TFDP2: variants seen among roughly 807,000 people sequenced by gnomAD.
The protein encoded by TFDP2 is transcription factor Dp-2 (E2F dimerization partner 2).
In TFDP2, 17 loss-of-function variants were observed where a neutral mutation model predicts 59.3. The ratio of observed to expected loss-of-function variants is 0.29; its 90% CI spans 0.20 to 0.43. The LOEUF (loss-of-function observed/expected upper bound fraction) is 0.43, where lower values mean the gene tolerates loss of function less well. Ranked by LOEUF, TFDP2 falls within the 20% of genes least tolerant of loss-of-function variation. The probability of loss-of-function intolerance (pLI) is 1.00; values close to 1 mark genes in which losing one functional copy is unlikely to be tolerated. For missense variants in TFDP2, 391 were observed against 528.8 expected, an observed-to-expected ratio of 0.74 and a Z score of 2.56; for synonymous variants, 180 against 194.7, an observed-to-expected ratio of 0.92 and a Z score of 0.63.
chr3:141,995,111 A>C lies in TFDP2; in HGVS notation c.217T>G (p.Ser73Ala). ...GGACTCCCAATCAGAACACTTCCTG[A>C]ACTGGTTAGTCTCTGTGGTGTGCTT... is the stretch of plus-strand genomic sequence containing the variant. ...IISTPQRLTS[S>A]GSVLIGSPYT... Residue 73 changes from serine (S) to alanine (A), a missense_variant, in exon 5 of 13, where the codon TCA becomes GCA. Ser to Ala is a moderately conservative substitution (Grantham distance 99). Coordinates refer to ENST00000489671, the MANE Select transcript of TFDP2 (RefSeq NM_001178139.2). 1.9e-6 allele frequency: 3 copies of C among 1,609,636 alleles called. No homozygotes were observed. Among genetic ancestry groups the C allele is most frequent in the East Asian group, 4.5e-5 (2 of 44,720 alleles).
chr3:142,147,207 G>C (rs937705463), intron 1 of TFDP2, among the ~76,000 whole-genome samples: 4 of 151,818 alleles, frequency 2.6e-5, no homozygotes, highest in Non-Finnish European at 4.4e-5. Context: ...TATTCATGCC[G>C]CACACCTAGA....
intron 1 of TFDP2, among the ~76,000 whole-genome samples, chr3:142,113,335 T>C (rs2061727627): frequency 6.6e-6 from 1 of 152,140 alleles, no homozygotes; most frequent in African/African-American, 2.4e-5. Context: ...CTTGGCTCAC[T>C]GCAACCTCCG....
At chr3:141,983,181 A>G (rs1000419605) in intron 6 of TFDP2, among the ~76,000 whole-genome samples, 2 of 152,250 alleles carry the variant, frequency 1.3e-5, no homozygotes, top group Non-Finnish European at 2.9e-5. Context: ...AAAGGAGGTT[A>G]AAAGAGTCAA....
chr3:141,978,745 C>A, intron 6 of TFDP2, 63 bp from the exon 7 acceptor site: 1 of 1,235,054 alleles, frequency 8.1e-7, no homozygotes, highest in South Asian at 2.0e-5. Flanking sequence ...TTACAAATCT[C>A]TGTAAGATAA....
chr3:142,030,971 T>C (rs909373479), intron 3 of TFDP2, among the ~76,000 whole-genome samples: 2 of 151,762 alleles, frequency 1.3e-5, no homozygotes, highest in Admixed American at 1.3e-4. Flanking sequence ...CTCGATCTCC[T>C]GACCTCGTGA....
At position 141,954,148 on chromosome 3, in the gene TFDP2, G is replaced by A. The variant is rs990088299; in HGVS notation, c.1052-1132C>T. Reference sequence around the variant, plus strand: ...GCACTCCAGCCTGGGCAACAAGAGCGAAACTCCATCTCAAAAAATAAAAGA... The same window carrying A: ...GCACTCCAGCCTGGGCAACAAGAGCAAAACTCCATCTCAAAAAATAAAAGA... On this transcript the variant is annotated intron_variant, in intron 11 of 12. Coordinates refer to ENST00000489671, the MANE Select transcript of TFDP2 (RefSeq NM_001178139.2). 4.6e-5 allele frequency among the ~76,000 whole-genome samples: 7 copies of A among 150,842 alleles called. No homozygotes were observed. In the South Asian group the frequency reaches 8.5e-4, roughly 18 times the overall value.
At chr3:142,042,345 G>A (rs971294529) in intron 3 of TFDP2, among the ~76,000 whole-genome samples, 3 of 151,802 alleles carry the variant, frequency 2.0e-5, no homozygotes, top group African/African-American at 7.3e-5. Flanking sequence ...AGGCTGGAGT[G>A]TTGTGGCATG....
Position 142,057,878 on chromosome 3 carries a change from T to G in TFDP2, c.82+35183A>C, listed in dbSNP as rs566508277. Among the ~76,000 whole-genome samples the G allele has an allele frequency of 3.9e-5, 6 of 152,192 alleles. 1 individual carries two copies. The South Asian group carries it at 1.2e-3, about 32-fold the overall frequency. On this transcript the variant is annotated intron_variant, in intron 3 of 12. Coordinates refer to ENST00000489671, the MANE Select transcript of TFDP2 (RefSeq NM_001178139.2). ...GTTCTCCATCCATACCATCACAGAGTTTCTGCTATTATGACATACTTTTCC... is the reference window on the plus strand; with the variant it reads ...GTTCTCCATCCATACCATCACAGAGGTTCTGCTATTATGACATACTTTTCC...
At chr3:142,148,515 G>A (rs1345811474) in intron 1 of TFDP2, among the ~76,000 whole-genome samples, 2 of 152,174 alleles carry the variant, frequency 1.3e-5, no homozygotes, top group East Asian at 1.9e-4. Context: ...CACCGAATAG[G>A]TGGATGCATC....
intron 9 of TFDP2, among the ~76,000 whole-genome samples, chr3:141,966,519 T>C (rs921747847): frequency 6.6e-6 from 1 of 151,846 alleles, no homozygotes; most frequent in South Asian, 2.1e-4. Context: ...TACCATATAA[T>C]GTTATTTTGG....
At chr3:142,066,897 C>G (rs1003197579) in intron 3 of TFDP2, among the ~76,000 whole-genome samples, 1 of 152,092 alleles carries the variant, frequency 6.6e-6, no homozygotes, top group Admixed American at 6.6e-5. Flanking sequence ...ATTAACAGTA[C>G]TCCACCATGT....
chr3:142,112,022 T>A (rs1032369773), intron 1 of TFDP2, among the ~76,000 whole-genome samples: 2 of 151,584 alleles, frequency 1.3e-5, no homozygotes, highest in Non-Finnish European at 2.9e-5. Flanking sequence ...GCTGAGATGG[T>A]GCCATTGCAC....
chr3:142,010,393 G>A (rs1263873206), intron 3 of TFDP2, among the ~76,000 whole-genome samples: 1 of 152,090 alleles, frequency 6.6e-6, no homozygotes, highest in Non-Finnish European at 1.5e-5. Context: ...GGTGGATCAC[G>A]AGGTCAAGAG....
chr3:142,127,901 T>C (rs1196888501), intron 1 of TFDP2, among the ~76,000 whole-genome samples: 2 of 152,204 alleles, frequency 1.3e-5, no homozygotes, highest in Non-Finnish European at 2.9e-5. Context: ...CCCATGTAGC[T>C]AAGAAACTGC....
At chr3:142,140,372 C>T (rs563671956) in intron 1 of TFDP2, among the ~76,000 whole-genome samples, 2 of 152,282 alleles carry the variant, frequency 1.3e-5, no homozygotes, top group South Asian at 4.1e-4. Context: ...GTCAACTCAT[C>T]AAAGTCATTC....
Position 141,963,848 on chromosome 3 carries a change from C to T in TFDP2, c.848G>A (p.Arg283Lys), listed in dbSNP as rs1355312322. The T allele has an allele frequency of 6.2e-7, 1 of 1,613,470 alleles. No homozygotes were observed. The highest frequency in any genetic ancestry group is 8.5e-7 in the Non-Finnish European group (1 of 1,179,912). ...GATGCTGCAATCTATGACTGTTTTT[C>T]TGCTTGTATTGATGATTATGAATGG... Reference protein sequence around the residue: ...QLPFIIINTSRKTVIDCSISS... With the variant: ...QLPFIIINTSKKTVIDCSISS... Residue 283 changes from arginine to lysine, a missense_variant, in exon 10 of 13, where the codon AGA becomes AAA. Arg to Lys is a conservative substitution (Grantham distance 26, BLOSUM62 2). Transcript: ENST00000489671.
chr3:142,018,301 T>C (rs1240448093), intron 3 of TFDP2, among the ~76,000 whole-genome samples: 2 of 152,180 alleles, frequency 1.3e-5, no homozygotes, highest in Non-Finnish European at 2.9e-5. Flanking sequence ...GCAGTCTATT[T>C]ATTGAGCTCC....
At chr3:142,110,318 A>G (rs1356300600) in intron 1 of TFDP2, among the ~76,000 whole-genome samples, 1 of 152,122 alleles carries the variant, frequency 6.6e-6, no homozygotes, top group African/African-American at 2.4e-5. Flanking sequence ...AGCCTGGTCA[A>G]CACGATGAAA....
At chr3:141,985,066 T>A (rs1019873438) in intron 6 of TFDP2, among the ~76,000 whole-genome samples, 1 of 152,074 alleles carries the variant, frequency 6.6e-6, no homozygotes, top group Non-Finnish European at 1.5e-5. Context: ...TCAGAATAGG[T>A]ATGCCTTTTC....
Sources: gnomAD v4.1 joint callset for allele counts (sites outside exome capture counted in the v4.1 genomes callset) on GRCh38, gnomAD v4.1.1 for gene constraint, MANE v1.5 for transcripts, NCBI Gene and HGNC (gene_info 2026-07-23, HGNC 2026-07-21) for gene names.